Variants in SLC7A6 observed in about 807,000 individuals in gnomAD.
SLC7A6 encodes solute carrier family 7 member 6, also known as Y+L amino acid transporter 2.
SLC7A6 carries 29 observed loss-of-function variants against 46.6 expected under a neutral mutation model. That is an observed-to-expected ratio of 0.62 (90% CI 0.46 to 0.85). The LOEUF (loss-of-function observed/expected upper bound fraction) is 0.85. SLC7A6 is among the 40% of genes least tolerant of loss of function. The pLI, the probability that SLC7A6 is intolerant of heterozygous loss-of-function variation, is 0.00. For missense variants in SLC7A6, 527 were observed against 647.6 expected (o/e 0.81, Z 2.02); for synonymous variants, 276 against 257.3 (o/e 1.07, Z -0.70).
At chr16:68,276,857 T>G (rs2042720497) in intron 3 of SLC7A6, among the ~76,000 whole-genome samples, 1 of 151,886 alleles carries the variant, frequency 6.6e-6, no homozygotes, top group African/African-American at 2.4e-5. Flanking sequence ...TAGCTGGGCA[T>G]GTTGGTGTGT....
chr16:68,295,841 C>T (rs537593163), intron 8 of SLC7A6, among the ~76,000 whole-genome samples: 3 of 152,326 alleles, frequency 2.0e-5, no homozygotes, highest in African/African-American at 7.2e-5. Flanking sequence ...TGAAATGCTA[C>T]AATTTCTCCC....
chr16:68,301,331 G>A lies in SLC7A6; in HGVS notation c.*4003G>A. 6.2e-7 allele frequency: 1 copy of A among 1,614,180 alleles called. No individual in the cohort carries two copies. Among genetic ancestry groups the A allele is most frequent in the Non-Finnish European group, 8.5e-7 (1 of 1,180,022 alleles). On this transcript the variant is annotated 3_prime_UTR_variant, in exon 11 of 11. Transcript: ENST00000219343. ...TAGCCGAACTCCTTCTGCACATCCA[G>A]AGGGTACTTGCTCCACATCCGCTGT... is the stretch of plus-strand genomic sequence containing the variant.
intron 4 of SLC7A6, 108 bp downstream of exon 4, chr16:68,287,979 C>T: frequency 1.0e-5 from 15 of 1,469,246 alleles, no homozygotes; most frequent in Non-Finnish European, 1.4e-5. Flanking sequence ...TACATGCTAG[C>T]ATGTGTCAGT....
chr16:68,268,722 T>G lies in SLC7A6; in HGVS notation c.-37+2001T>G, dbSNP rs1030114171. ...TTTAAAATTTTTAAAAATTTTTTTGTTGGCTGGGTGTGGTGGCTCACGCCT... is the reference window on the plus strand; with the variant it reads ...TTTAAAATTTTTAAAAATTTTTTTGGTGGCTGGGTGTGGTGGCTCACGCCT... On this transcript the variant is annotated intron_variant, in intron 2 of 10. Coordinates refer to ENST00000219343, the MANE Select transcript of SLC7A6 (RefSeq NM_003983.6). 7.9e-5 allele frequency among the ~76,000 whole-genome samples: 12 copies of G among 152,330 alleles called. No homozygotes were observed. In the East Asian group the frequency reaches 1.7e-3, roughly 22 times the overall value.
Position 68,287,518 on chromosome 16 carries a change from C to T in SLC7A6, c.524-228C>T, listed in dbSNP as rs535761995. The T allele has an allele frequency of 3.8e-5, 54 of 1,414,782 alleles. No individual in the cohort carries two copies. In the South Asian group the frequency reaches 4.7e-4, roughly 12 times the overall value. 87.6% of individuals were successfully genotyped at this position (1,414,782 alleles called of 1,614,324 possible). A position where few individuals can be genotyped will look rare whatever the true frequency, so the allele number is the denominator to read the frequency against. On this transcript the variant is annotated intron_variant, in intron 3 of 10. Coordinates refer to ENST00000219343, the MANE Select transcript of SLC7A6 (RefSeq NM_003983.6). ...ATCAGGATGTATAAGTATGTGTTCA[C>T]GCATGCCTTCATATCCTTGAGCACC...
Position 68,291,821 on chromosome 16 carries a change from T to C in SLC7A6, c.1022+160T>C, listed in dbSNP as rs1351391929. 3 of 565,656 alleles carry C rather than the reference T, an allele frequency of 5.3e-6. No individual in the cohort carries two copies. The African/African-American group carries it at 6.5e-5, about 12-fold the overall frequency. 35.0% of individuals were successfully genotyped at this position (565,656 alleles called of 1,614,324 possible). On this transcript the variant is annotated intron_variant, in intron 7 of 10. Transcript: ENST00000219343. ...TGTGTTTGGTATGTGGGCATGTACT[T>C]GCCTTTGTGCAAGTAGCACATTTGT... is the stretch of plus-strand genomic sequence containing the variant.
chr16:68,289,838 G>GC (rs1268124403), intron 4 of SLC7A6, among the ~76,000 whole-genome samples: 1 of 152,152 alleles, frequency 6.6e-6, no homozygotes, highest in Non-Finnish European at 1.5e-5. Context: ...CATAGCTACC[G>GC]CAAGTAGAGC....
In SLC7A6 at chr16:68,289,242, A is replaced by G. The variant is rs148621319; in HGVS notation, c.650-1154A>G. Among the ~76,000 whole-genome samples, 70 of 152,234 alleles carry G rather than the reference A, an allele frequency of 4.6e-4. No homozygotes were observed. In the East Asian group the frequency reaches 0.014, roughly 29 times the overall value. On this transcript the variant is annotated intron_variant, in intron 4 of 10. Coordinates refer to ENST00000219343, the MANE Select transcript of SLC7A6 (RefSeq NM_003983.6). ...TGGGAGGCAGAGGTTGCAGTGAGCC[A>G]AGATCTTGCCATTGCACTCCAGCCT...
At position 68,291,405 on chromosome 16, in the gene SLC7A6, T is replaced by TA. The variant is rs2043046615; in HGVS notation, c.918+74dup. 2.1e-5 allele frequency: 33 copies of TA among 1,597,296 alleles called. No individual in the cohort carries two copies. In the South Asian group the frequency reaches 3.6e-4, roughly 17 times the overall value. ...CCACCCTGCACAGCTCAGTCTGTCT[T>TA]ACTGCACCCTCCTCAGCTCTGCAGG... On this transcript the variant is annotated intron_variant, in intron 6 of 10. Coordinates refer to ENST00000219343, the MANE Select transcript of SLC7A6 (RefSeq NM_003983.6).
Position 68,296,382 on chromosome 16 carries a change from T to A in SLC7A6, c.1138T>A (p.Tyr380Asn). 1 of 1,614,052 alleles carries A rather than the reference T, an allele frequency of 6.2e-7. No homozygotes were observed. The highest frequency in any genetic ancestry group is 8.5e-7 in the Non-Finnish European group (1 of 1,180,020). Reference sequence around the variant, plus strand: ...CCCACAGTGCACCATGGCACTCATCTACCTCATCGTGGAGGATGTTTTCCA... The same window carrying A: ...CCCACAGTGCACCATGGCACTCATCAACCTCATCGTGGAGGATGTTTTCCA... ...LLFNCTMALIYLIVEDVFQLI... is the reference protein window; with the variant it reads ...LLFNCTMALINLIVEDVFQLI... Residue 380 changes from tyrosine (Y) to asparagine (N), a missense_variant, in exon 9 of 11, where the codon TAC (tyrosine) becomes AAC (asparagine). By Grantham distance (143) the Tyr-to-Asn change is moderately radical (BLOSUM62 -2). Transcript: ENST00000219343.
At chr16:68,268,218 A>G (rs1280368446) in intron 2 of SLC7A6, among the ~76,000 whole-genome samples, 1 of 152,184 alleles carries the variant, frequency 6.6e-6, no homozygotes, top group African/African-American at 2.4e-5. Flanking sequence ...TGTGCCAGGT[A>G]TCCTGTTGGG....
At chr16:68,278,951 C>T (rs1159878453) in intron 3 of SLC7A6, among the ~76,000 whole-genome samples, 1 of 152,002 alleles carries the variant, frequency 6.6e-6, no homozygotes, top group Non-Finnish European at 1.5e-5. Context: ...CCCCCACCTC[C>T]CTCCCGGACA....
chr16:68,284,993 C>T (rs2042901999), intron 3 of SLC7A6, among the ~76,000 whole-genome samples: 1 of 151,724 alleles, frequency 6.6e-6, no homozygotes, highest in African/African-American at 2.4e-5. Flanking sequence ...ACCTCAGCCT[C>T]CCACACAGTT....
intron 2 of SLC7A6, among the ~76,000 whole-genome samples, chr16:68,269,169 A>C (rs1266597868): frequency 6.6e-6 from 1 of 152,202 alleles, no homozygotes. Context: ...ATGCTGTTCA[A>C]CTTTTTCAGT....
chr16:68,277,009 C>CA (rs371728203), intron 3 of SLC7A6, among the ~76,000 whole-genome samples: 6,577 of 144,990 alleles, frequency 0.045, 167 homozygotes, highest in Middle Eastern at 0.15. Context: ...CAAAACAAAA[C>CA]AAAAAAAAAA....
At chr16:68,278,852 G>A (rs556732183) in intron 3 of SLC7A6, among the ~76,000 whole-genome samples, 15 of 152,152 alleles carry the variant, frequency 9.9e-5, no homozygotes, top group Admixed American at 9.2e-4. Flanking sequence ...GGTGGCGGCC[G>A]GGCAGAGGGG....
At chr16:68,272,394 A>G (rs1002828523) in intron 2 of SLC7A6, among the ~76,000 whole-genome samples, 12 of 152,134 alleles carry the variant, frequency 7.9e-5, no homozygotes, top group African/African-American at 2.9e-4. Flanking sequence ...GCATGATTGC[A>G]CTCCAGCCTG....
Position 68,275,110 on chromosome 16 carries a change from G to A in SLC7A6, c.384G>A (p.Leu128=). ...AFGGFIAFIR[L]WVSLLVVEPT... is the part of the protein sequence containing the mutation. The stretch of plus-strand genomic sequence containing the variant: ...GGGGCTTCATTGCCTTCATCCGCCT[G>A]TGGGTCTCACTGCTAGTTGTTGAGC... The change falls in exon 3 of 11, where the codon CTG becomes CTA. Residue 128 remains leucine (L), a synonymous_variant. Coordinates refer to ENST00000219343, the MANE Select transcript of SLC7A6 (RefSeq NM_003983.6). The A allele has an allele frequency of 6.2e-7, 1 of 1,614,158 alleles. No homozygotes were observed. Among genetic ancestry groups the A allele is most frequent in the Non-Finnish European group, 8.5e-7 (1 of 1,180,028 alleles).
intron 1 of SLC7A6, among the ~76,000 whole-genome samples, chr16:68,265,287 A>C (rs556230729): frequency 9.2e-5 from 14 of 152,120 alleles, no homozygotes; most frequent in Admixed American, 5.9e-4. Context: ...TTGTGTGACT[A>C]TCTCTCCTGA....
Sources: gnomAD v4.1 joint callset for allele counts (sites outside exome capture counted in the v4.1 genomes callset) on GRCh38, gnomAD v4.1.1 for gene constraint, MANE v1.5 for transcripts, NCBI Gene and HGNC (gene_info 2026-07-23, HGNC 2026-07-21) for gene names.